The following MAPK8 variants were observed in gnomAD, a reference collection of about 807,000 sequenced individuals.
MAPK8 encodes JUN N-terminal kinase.
Under a neutral mutation model 52.9 loss-of-function variants are expected in MAPK8, and 13 were observed. That is an observed-to-expected ratio of 0.25 (90% confidence interval 0.16 to 0.39). The LOEUF is 0.39. Among genes scored for constraint, MAPK8 ranks in the 10% least tolerant of loss-of-function variants. The pLI is 1.00. For missense variants in MAPK8, 300 were observed against 519.2 expected (o/e 0.58, Z 4.10); for synonymous variants, 191 against 169.8 (o/e 1.12, Z -0.97).
intron 10 of MAPK8, chr10:48,430,737 C>G (rs1245321551): frequency 6.3e-6 from 1 of 158,292 alleles, no homozygotes; most frequent in East Asian, 1.9e-4. Flanking sequence ...TTTGCACACT[C>G]TAATTTAAAT....
chr10:48,341,086 TTACTC>T (rs1845208570), intron 1 of MAPK8, among the ~76,000 whole-genome samples: 1 of 152,266 alleles, frequency 6.6e-6, no homozygotes, highest in African/African-American at 2.4e-5. Flanking sequence ...CTGATCCCAA[TTACTC>T]TACCATGTTA....
chr10:48,372,994 G>A (rs974844304), intron 1 of MAPK8, among the ~76,000 whole-genome samples: 11 of 152,158 alleles, frequency 7.2e-5, no homozygotes, highest in African/African-American at 2.7e-4. Context: ...AGAAAGGTCG[G>A]GTTACCCACA....
At chr10:48,328,705 G>C (rs1843781981) in intron 1 of MAPK8, among the ~76,000 whole-genome samples, 1 of 152,134 alleles carries the variant, frequency 6.6e-6, no homozygotes, top group Admixed American at 6.5e-5. Flanking sequence ...GTTGATGCTA[G>C]TATTTAATGT....
chr10:48,353,628 A>G (rs2132457813), intron 1 of MAPK8, among the ~76,000 whole-genome samples: 1 of 152,244 alleles, frequency 6.6e-6, no homozygotes, highest in Middle Eastern at 3.4e-3. Flanking sequence ...AACTTAAAAC[A>G]TGGAAAAAAA....
rs906653116 is a variant in MAPK8 at position 48,438,732 on chromosome 10, GAC to G, written c.*3707_*3708del. The G allele has an allele frequency of 6.6e-6, 1 of 152,162 alleles. No homozygotes were observed. The highest frequency in any genetic ancestry group is 2.4e-5 in the African/African-American group (1 of 41,416). 9.4% of individuals were successfully genotyped at this position (152,162 alleles called of 1,614,324 possible). A position where few individuals can be genotyped will look rare whatever the true frequency, so the allele number is the denominator to read the frequency against. On this transcript the variant is annotated 3_prime_UTR_variant, in exon 12 of 12. Coordinates refer to ENST00000374189, the MANE Select transcript of MAPK8 (RefSeq NM_001323329.2). The stretch of plus-strand genomic sequence containing the variant: ...TGTTAAATACTTTCTAGCCAATGTT[GAC>G]ACAATACCAGTAAGTATGTAAAGTA...
intron 1 of MAPK8, among the ~76,000 whole-genome samples, chr10:48,388,464 A>G (rs962378093): frequency 6.6e-6 from 1 of 152,142 alleles, no homozygotes. Context: ...AAGAGAGGGA[A>G]GTAGTATGCC....
chr10:48,415,722 G>A (rs761714219), intron 5 of MAPK8, among the ~76,000 whole-genome samples: 2 of 152,088 alleles, frequency 1.3e-5, no homozygotes, highest in South Asian at 2.1e-4. Flanking sequence ...AAAGAGTCTC[G>A]CGTTTTCAAG....
intron 5 of MAPK8, among the ~76,000 whole-genome samples, chr10:48,416,607 A>G (rs2043077467): frequency 6.6e-6 from 1 of 152,218 alleles, no homozygotes; most frequent in Non-Finnish European, 1.5e-5. Context: ...GGCCAACCCT[A>G]TAACCACTGC....
chr10:48,402,614 T>G (rs965675320), intron 2 of MAPK8, among the ~76,000 whole-genome samples: 4 of 152,212 alleles, frequency 2.6e-5, no homozygotes, highest in Non-Finnish European at 5.9e-5. Flanking sequence ...ACTAGTGTTT[T>G]GGGGAATTAT....
At chr10:48,344,464 C>CT (rs1039351238) in intron 1 of MAPK8, among the ~76,000 whole-genome samples, 2 of 152,034 alleles carry the variant, frequency 1.3e-5, no homozygotes, top group African/African-American at 4.8e-5. Context: ...CTTTTCAGTC[C>CT]TTTTGGGGAG....
chr10:48,435,062 G>A lies in MAPK8; in HGVS notation c.*33G>A. 3 of 1,442,414 alleles carry A rather than the reference G, an allele frequency of 2.1e-6. No individual in the cohort carries two copies. Among genetic ancestry groups the A allele is most frequent in the South Asian group, 1.4e-5 (1 of 73,490 alleles). 89.4% of individuals were successfully genotyped at this position (1,442,414 alleles called of 1,614,324 possible). Reference sequence around the variant, plus strand: ...GGCCATCGGGGGGTGGGAGGGATGGGGAGTCGGTTAGTCATTGATAGAACT... The same window carrying A: ...GGCCATCGGGGGGTGGGAGGGATGGAGAGTCGGTTAGTCATTGATAGAACT... On this transcript the variant is annotated 3_prime_UTR_variant, in exon 12 of 12. Transcript: ENST00000374189.
At chr10:48,396,160 G>T (rs2041876820) in intron 1 of MAPK8, among the ~76,000 whole-genome samples, 1 of 151,970 alleles carries the variant, frequency 6.6e-6, no homozygotes, top group Non-Finnish European at 1.5e-5. Context: ...AGCATAAAAA[G>T]GCAAGCCACA....
chr10:48,368,077 A>G (rs1169598806), intron 1 of MAPK8, among the ~76,000 whole-genome samples: 1 of 152,234 alleles, frequency 6.6e-6, no homozygotes, highest in Non-Finnish European at 1.5e-5. Context: ...AAGAAATGAG[A>G]TTGAAGTAGG....
chr10:48,369,058 C>T (rs1848319995), intron 1 of MAPK8, among the ~76,000 whole-genome samples: 1 of 152,138 alleles, frequency 6.6e-6, no homozygotes, highest in African/African-American at 2.4e-5. Context: ...AAACATGGTG[C>T]TTCAAAGCCA....
At chr10:48,322,145 A>G (rs1383989148) in intron 1 of MAPK8, among the ~76,000 whole-genome samples, 2 of 152,118 alleles carry the variant, frequency 1.3e-5, no homozygotes, top group Admixed American at 1.3e-4. Context: ...GATTTTTCTT[A>G]CTTTAGTAAA....
chr10:48,330,392 T>C (rs56274242), intron 1 of MAPK8, among the ~76,000 whole-genome samples: 6,152 of 152,300 alleles, frequency 0.04, 191 homozygotes, highest in Middle Eastern at 0.068. Context: ...TTTGCCTTTT[T>C]CATGTCTGTT....
At chr10:48,397,042 A>G (rs563804540) in intron 1 of MAPK8, among the ~76,000 whole-genome samples, 1 of 152,328 alleles carries the variant, frequency 6.6e-6, no homozygotes, top group South Asian at 2.1e-4. Context: ...CCATAGTACA[A>G]CTATCAAAAT....
chr10:48,364,552 C>T lies in MAPK8; in HGVS notation c.-49-37060C>T, dbSNP rs75286413. 9.2e-3 allele frequency among the ~76,000 whole-genome samples: 1,397 copies of T among 152,196 alleles called. 21 individuals are homozygous for T. Among genetic ancestry groups the T allele is most frequent in the African/African-American group, 0.032 (1,343 of 41,536 alleles). ...TTGAATGCTTATCATGTGCCAGTTTCTTACTTAATTTGATGCTCTCAATAA... is the reference window on the plus strand; with the variant it reads ...TTGAATGCTTATCATGTGCCAGTTTTTTACTTAATTTGATGCTCTCAATAA... On this transcript the variant is annotated intron_variant, in intron 1 of 11. Transcript: ENST00000374189.
At chr10:48,421,818 A>G (rs1422555207) in intron 6 of MAPK8, among the ~76,000 whole-genome samples, 1 of 152,130 alleles carries the variant, frequency 6.6e-6, no homozygotes, top group African/African-American at 2.4e-5. Context: ...AATAAAATAG[A>G]ATAAAAAATG....
Sources: allele counts gnomAD v4.1 joint callset (sites outside exome capture counted in the v4.1 genomes callset), GRCh38; gene constraint gnomAD v4.1.1; transcripts MANE v1.5; gene names NCBI Gene and HGNC (gene_info 2026-07-23, HGNC 2026-07-21).